PRKG1: variants seen among roughly 807,000 people sequenced by gnomAD.
PRKG1 encodes cGMP-dependent protein kinase 1.
A neutral mutation model predicts 88.1 loss-of-function variants in PRKG1; 35 were observed. The ratio of observed to expected loss-of-function variants is 0.40; its 90% CI spans 0.30 to 0.53. PRKG1 has a LOEUF of 0.53. PRKG1 is among the 20% of genes least tolerant of loss of function. The pLI is 0.59. For synonymous variants in PRKG1, 303 were observed against 292.5 expected, an observed-to-expected ratio of 1.04 and a Z score of -0.37; for missense variants, 540 against 839.8, an observed-to-expected ratio of 0.64 and a Z score of 4.41.
At chr10:51,444,528 A>G (rs892271418) in intron 2 of PRKG1, among the ~76,000 whole-genome samples, 1 of 151,934 alleles carries the variant, frequency 6.6e-6, no homozygotes, top group Non-Finnish European at 1.5e-5. Flanking sequence ...ACTACAATAT[A>G]TAAAGAATCT....
intron 2 of PRKG1, among the ~76,000 whole-genome samples, chr10:51,278,659 A>T (rs1840202441): frequency 6.6e-6 from 1 of 152,156 alleles, no homozygotes; most frequent in African/African-American, 2.4e-5. Flanking sequence ...CAGGGATTCA[A>T]CTTCTTCCTG....
At chr10:51,197,032 C>T (rs1460981081) in intron 2 of PRKG1, among the ~76,000 whole-genome samples, 1 of 152,018 alleles carries the variant, frequency 6.6e-6, no homozygotes, top group Non-Finnish European at 1.5e-5. Flanking sequence ...GCCTTTTCCT[C>T]AATTAGGTAT....
chr10:52,270,639 A>G (rs1171239398), intron 10 of PRKG1, among the ~76,000 whole-genome samples: 1 of 147,758 alleles, frequency 6.8e-6, no homozygotes, highest in Non-Finnish European at 1.5e-5. Context: ...CAAACACCGC[A>G]TGTTCTCACT....
intron 5 of PRKG1, among the ~76,000 whole-genome samples, chr10:52,018,883 T>C (rs1041488271): frequency 6.6e-6 from 1 of 152,178 alleles, no homozygotes; most frequent in African/African-American, 2.4e-5. Context: ...GCCAACTGTG[T>C]TTGCTAATTG....
chr10:51,014,727 C>T (rs887624207), intron 1 of PRKG1, among the ~76,000 whole-genome samples: 4 of 152,070 alleles, frequency 2.6e-5, no homozygotes, highest in Non-Finnish European at 5.9e-5. Context: ...TGTACAATTA[C>T]ATGTTTGTTT....
At chr10:52,274,785 T>C (rs1841829111) in intron 12 of PRKG1, among the ~76,000 whole-genome samples, 1 of 152,098 alleles carries the variant, frequency 6.6e-6, no homozygotes, top group Non-Finnish European at 1.5e-5. Context: ...TGTACTAGTT[T>C]ACATTCCCTC....
chr10:51,554,068 T>TTATATGTGCGTATGTGATACGTGTATA lies in PRKG1; in HGVS notation c.592+86236_592+86262dup. 2.3e-5 allele frequency among the ~76,000 whole-genome samples: 3 copies of TTATATGTGCGTATGTGATACGTGTATA among 132,668 alleles called. 1 individual carries two copies. Among genetic ancestry groups the TTATATGTGCGTATGTGATACGTGTATA allele is most frequent in the Non-Finnish European group, 4.7e-5 (3 of 63,210 alleles). The allele number at this position is 132,668 out of a possible 152,430, so 87.0% of individuals were successfully genotyped here. A position where few individuals can be genotyped will look rare whatever the true frequency, so the allele number is the denominator to read the frequency against. ...TGTGCGTATGTGATACGTGTATATA[T>TTATATGTGCGTATGTGATACGTGTATA]TATATGTGCGTATGTGATACGTGTA... On this transcript the variant is annotated intron_variant, in intron 3 of 17. Transcript: ENST00000373980.
At chr10:51,333,633 A>G (rs1841795197) in intron 2 of PRKG1, among the ~76,000 whole-genome samples, 1 of 152,250 alleles carries the variant, frequency 6.6e-6, no homozygotes, top group Admixed American at 6.5e-5. Context: ...ATGTTTGTAT[A>G]AAATTATTTC....
At chr10:51,694,351 C>CG (rs961716221) in intron 3 of PRKG1, among the ~76,000 whole-genome samples, 61 of 152,206 alleles carry the variant, frequency 4.0e-4, no homozygotes, top group Non-Finnish European at 4.9e-4. Context: ...GCCGTGATTA[C>CG]GTTAACGGTT....
At chr10:52,249,174 C>T (rs1241101820) in intron 9 of PRKG1, among the ~76,000 whole-genome samples, 1 of 149,192 alleles carries the variant, frequency 6.7e-6, no homozygotes, top group Non-Finnish European at 1.5e-5. Context: ...ATTCCTATTG[C>T]TCTAGGACCA....
intron 3 of PRKG1, among the ~76,000 whole-genome samples, chr10:51,797,729 C>G (rs1363533724): frequency 6.6e-6 from 1 of 151,324 alleles, no homozygotes; most frequent in East Asian, 1.9e-4. Context: ...GTGCAACCAT[C>G]ACTATTCATC....
chr10:51,281,902 G>A (rs1840308617), intron 2 of PRKG1, among the ~76,000 whole-genome samples: 1 of 152,158 alleles, frequency 6.6e-6, no homozygotes, highest in Non-Finnish European at 1.5e-5. Context: ...AACTTTATAA[G>A]CACTCTCTAT....
rs1476823375 is a variant in PRKG1, at chr10:51,887,301, T to A, written c.699-20206T>A. 2.3e-5 allele frequency among the ~76,000 whole-genome samples: 3 copies of A among 132,202 alleles called. No homozygotes were observed. The East Asian group carries it at 8.1e-4, about 36-fold the overall frequency. The allele number at this position is 132,202 out of a possible 152,430, so 86.7% of individuals were successfully genotyped here. A position where few individuals can be genotyped will look rare whatever the true frequency, so the allele number is the denominator to read the frequency against. On this transcript the variant is annotated intron_variant, in intron 4 of 17. Coordinates refer to ENST00000373980, the MANE Select transcript of PRKG1 (RefSeq NM_006258.4). ...CACCTGGCCCACGTTTTTCTTTTTT[T>A]AAATTATTTCATCTATAAGTGACAT...
intron 4 of PRKG1, among the ~76,000 whole-genome samples, chr10:51,887,715 G>T (rs1351240146): frequency 1.4e-4 from 21 of 152,088 alleles, no homozygotes; most frequent in Non-Finnish European, 8.8e-5. Context: ...CCGGCATTTT[G>T]TATGTCTTCT....
rs185378265 is a variant in PRKG1, at chr10:51,866,248, G to A, written c.699-41259G>A. Among the ~76,000 whole-genome samples the A allele has an allele frequency of 3.7e-3, 564 of 151,740 alleles. 1 individual carries two copies. The highest frequency in any genetic ancestry group is 0.01 in the African/African-American group (423 of 41,404). On this transcript the variant is annotated intron_variant, in intron 4 of 17. Coordinates refer to ENST00000373980, the MANE Select transcript of PRKG1 (RefSeq NM_006258.4). ...AGTAATTTTCTGAGATATAATTTAC[G>A]TAATATTAGAAAGTTAAAATAAGCA...
intron 1 of PRKG1, among the ~76,000 whole-genome samples, chr10:51,067,919 T>G (rs1843774104): frequency 2.6e-5 from 4 of 152,082 alleles, no homozygotes; most frequent in Admixed American, 2.6e-4. Flanking sequence ...TAAATGCCTG[T>G]GCTTTCAATA....
At chr10:52,078,031 G>C (rs1159211756) in intron 7 of PRKG1, among the ~76,000 whole-genome samples, 1 of 152,172 alleles carries the variant, frequency 6.6e-6, no homozygotes, top group African/African-American at 2.4e-5. Context: ...CACTCTCACT[G>C]TCTACTCGAC....
At chr10:51,215,532 G>T (rs992464716) in intron 2 of PRKG1, among the ~76,000 whole-genome samples, 1 of 152,196 alleles carries the variant, frequency 6.6e-6, no homozygotes, top group Non-Finnish European at 1.5e-5. Flanking sequence ...GGGCAAGCTT[G>T]GGGAGCCCTG....
intron 4 of PRKG1, among the ~76,000 whole-genome samples, chr10:51,905,682 T>G (rs1373672985): frequency 2.0e-5 from 3 of 152,148 alleles, no homozygotes; most frequent in African/African-American, 7.2e-5. Context: ...TTTAGTATTT[T>G]TATGTACTGT....
Sources: gnomAD v4.1 joint callset for allele counts (sites outside exome capture counted in the v4.1 genomes callset) on GRCh38, gnomAD v4.1.1 for gene constraint, MANE v1.5 for transcripts, NCBI Gene and HGNC (gene_info 2026-07-23, HGNC 2026-07-21) for gene names.